ERC1: variants seen among roughly 807,000 people sequenced by gnomAD.
ERC1 encodes the protein RAB6 interacting protein 2.
A neutral mutation model predicts 132.0 loss-of-function variants in ERC1; 56 were observed. That is an observed-to-expected ratio of 0.42 (90% CI 0.34 to 0.53). The LOEUF (loss-of-function observed/expected upper bound fraction) is 0.53, where lower values mean the gene tolerates loss of function less well. Ranked by LOEUF, ERC1 falls within the 20% of genes least tolerant of loss-of-function variation. The probability of loss-of-function intolerance (pLI) is 0.03; values close to 1 mark genes in which losing one functional copy is unlikely to be tolerated. For missense variants in ERC1, 1,202 were observed against 1,349.9 expected, an observed-to-expected ratio of 0.89 and a Z score of 1.72; for synonymous variants, 478 against 476.1, an observed-to-expected ratio of 1.00 and a Z score of -0.05.
chr12:1,410,495 T>C, intron 17 of ERC1: 2 of 984,452 alleles, frequency 2.0e-6, no homozygotes, highest in Non-Finnish European at 1.4e-6. Context: ...GGTTTTTGTT[T>C]GTTTTCATTT....
chr12:1,137,890 T>C (rs568334131), intron 7 of ERC1, among the ~76,000 whole-genome samples: 1 of 142,262 alleles, frequency 7.0e-6, no homozygotes, highest in East Asian at 2.0e-4. Flanking sequence ...ATATGTTACA[T>C]ATTATGTATA....
At chr12:1,434,946 G>C (rs977771822) in intron 17 of ERC1, among the ~76,000 whole-genome samples, 1 of 151,780 alleles carries the variant, frequency 6.6e-6, no homozygotes, top group African/African-American at 2.4e-5. Context: ...TTAACGTTTC[G>C]AGAGAGAGAG....
At chr12:1,443,881 C>T (rs1269815261) in intron 17 of ERC1, 2 of 152,234 alleles carry the variant, frequency 1.3e-5, no homozygotes, top group African/African-American at 2.4e-5. Flanking sequence ...AAACACAGAA[C>T]CAATGTTACA....
intron 12 of ERC1, chr12:1,204,399 C>A: frequency 1.1e-6 from 1 of 952,314 alleles, no homozygotes; most frequent in Non-Finnish European, 1.6e-6. Context: ...TCTAATCCTG[C>A]ATTTTATGAT....
intron 12 of ERC1, among the ~76,000 whole-genome samples, chr12:1,226,355 T>G (rs2074572291): frequency 6.6e-6 from 1 of 152,238 alleles, no homozygotes; most frequent in African/African-American, 2.4e-5. Flanking sequence ...ATGTATACAT[T>G]GTGAAGGATT....
chr12:1,231,569 C>T lies in ERC1; in HGVS notation c.2352-5200C>T, dbSNP rs2075040580. Among the ~76,000 whole-genome samples, 5 of 152,038 alleles carry T rather than the reference C, an allele frequency of 3.3e-5. No individual in the cohort carries two copies. In the South Asian group the frequency reaches 1.0e-3, roughly 32 times the overall value. On this transcript the variant is annotated intron_variant, in intron 12 of 18. Coordinates refer to ENST00000360905, the MANE Select transcript of ERC1 (RefSeq NM_178040.4). ...TTAGTGTCCTTTAGTTTCAACTCAG[C>T]TCCCTTTAGCATTTCTTATAAGGCA...
chr12:1,079,806 C>T (rs903925906), intron 2 of ERC1, among the ~76,000 whole-genome samples: 1 of 137,966 alleles, frequency 7.2e-6, no homozygotes, highest in Non-Finnish European at 1.6e-5. Flanking sequence ...TGACAAAAGT[C>T]GATATACAGA....
intron 2 of ERC1, among the ~76,000 whole-genome samples, chr12:1,056,586 C>T (rs1973014539): frequency 6.6e-6 from 1 of 152,046 alleles, no homozygotes; most frequent in Admixed American, 6.6e-5. Flanking sequence ...GCTAGGTGTT[C>T]CATTTGCCTA....
intron 13 of ERC1, among the ~76,000 whole-genome samples, chr12:1,255,808 T>G (rs1219252755): frequency 2.0e-5 from 3 of 149,102 alleles, no homozygotes; most frequent in African/African-American, 7.7e-5. Flanking sequence ...AATTTTTTTT[T>G]GTATTTTTTT....
intron 17 of ERC1, among the ~76,000 whole-genome samples, chr12:1,408,728 TC>T (rs949528471): frequency 3.3e-5 from 5 of 152,222 alleles, no homozygotes; most frequent in Non-Finnish European, 7.3e-5. Context: ...AGTTCTTCAC[TC>T]CCTGTCCTTG....
At chr12:1,214,665 TACAC>T (rs59137347) in intron 12 of ERC1, among the ~76,000 whole-genome samples, 1,846 of 119,060 alleles carry the variant, frequency 0.016, 15 homozygotes, top group African/African-American at 0.019. Flanking sequence ...TGTGTATACA[TACAC>T]ACACACACAC....
intron 2 of ERC1, among the ~76,000 whole-genome samples, chr12:1,029,478 A>C (rs1967576157): frequency 6.6e-6 from 1 of 152,200 alleles, no homozygotes; most frequent in African/African-American, 2.4e-5. Context: ...AATTCTTTAC[A>C]TTTAAGGTGG....
chr12:1,021,818 A>T (rs1966426483), intron 1 of ERC1, among the ~76,000 whole-genome samples: 1 of 152,000 alleles, frequency 6.6e-6, no homozygotes, highest in Non-Finnish European at 1.5e-5. Flanking sequence ...GGACTTGGGG[A>T]TAACAGGGAG....
chr12:1,438,722 A>C (rs1270114423), intron 17 of ERC1, among the ~76,000 whole-genome samples: 1 of 152,174 alleles, frequency 6.6e-6, no homozygotes, highest in African/African-American at 2.4e-5. Context: ...CAGGAGGATC[A>C]CATGAGCCCA....
At chr12:1,481,331 T>C (rs1293491171) in intron 18 of ERC1, among the ~76,000 whole-genome samples, 1 of 152,248 alleles carries the variant, frequency 6.6e-6, no homozygotes, top group Non-Finnish European at 1.5e-5. Flanking sequence ...TTTGCTTTCT[T>C]CACATCGCCT....
At chr12:1,197,301 GTT>G (rs1244310376) in intron 12 of ERC1, among the ~76,000 whole-genome samples, 1 of 152,136 alleles carries the variant, frequency 6.6e-6, no homozygotes, top group Non-Finnish European at 1.5e-5. Flanking sequence ...TTATACAGAT[GTT>G]TGAGGTTAAA....
intron 3 of ERC1, among the ~76,000 whole-genome samples, chr12:1,102,854 T>C (rs922403483): frequency 2.0e-5 from 3 of 152,314 alleles, no homozygotes; most frequent in Middle Eastern, 3.4e-3. Flanking sequence ...AAATAAGGTG[T>C]AGATTATACT....
rs534128628 is a variant in ERC1 at position 1,320,740 on chromosome 12, C to T, written c.2780+30728C>T. 4.6e-5 allele frequency among the ~76,000 whole-genome samples: 7 copies of T among 152,214 alleles called. No individual in the cohort carries two copies. The East Asian group carries it at 7.7e-4, about 17-fold the overall frequency. The stretch of plus-strand genomic sequence containing the variant: ...TTTTTGAGACGGAATCTCACTCTGT[C>T]GCCCAGGCTGGAGTGCAGTGGCACG... On this transcript the variant is annotated intron_variant, in intron 15 of 18. Transcript: ENST00000360905.
intron 3 of ERC1, among the ~76,000 whole-genome samples, chr12:1,085,589 G>C (rs1942874618): frequency 8.2e-6 from 1 of 121,726 alleles, no homozygotes; most frequent in African/African-American, 3.3e-5. Context: ...GAGATTACAG[G>C]CAATATGCCT....
Sources: gnomAD v4.1 joint callset for allele counts (sites outside exome capture counted in the v4.1 genomes callset) on GRCh38, gnomAD v4.1.1 for gene constraint, MANE v1.5 for transcripts, NCBI Gene and HGNC (gene_info 2026-07-23, HGNC 2026-07-21) for gene names.